The following CAMK1D variants were observed in gnomAD, a reference collection of about 807,000 sequenced individuals.
The protein encoded by CAMK1D is calcium/calmodulin-dependent protein kinase type 1D.
Under a neutral mutation model 47.7 loss-of-function variants are expected in CAMK1D, and 9 were observed. The ratio of observed to expected loss-of-function variants is 0.19; its 90% CI spans 0.11 to 0.33. The LOEUF is 0.33. Among genes scored for constraint, CAMK1D ranks in the 10% least tolerant of loss-of-function variants. The pLI, the probability that CAMK1D is intolerant of heterozygous loss-of-function variation, is 1.00. For synonymous variants in CAMK1D, 184 were observed against 184.9 expected (o/e 0.99, Z 0.04); for missense variants, 291 against 488.7 (o/e 0.60, Z 3.81).
At chr10:12,488,935 A>T (rs1285029537) in intron 1 of CAMK1D, among the ~76,000 whole-genome samples, 1 of 151,824 alleles carries the variant, frequency 6.6e-6, no homozygotes, top group Admixed American at 6.6e-5. Context: ...CCTTTTATTT[A>T]TTTATGTATT....
chr10:12,745,307 G>C (rs1835619568), intron 3 of CAMK1D, among the ~76,000 whole-genome samples: 1 of 152,192 alleles, frequency 6.6e-6, no homozygotes, highest in South Asian at 2.1e-4. Context: ...TGGGATTACA[G>C]GTGTGAGCCA....
At chr10:12,546,071 T>C (rs1588618133) in intron 1 of CAMK1D, among the ~76,000 whole-genome samples, 1 of 152,184 alleles carries the variant, frequency 6.6e-6, no homozygotes, top group Non-Finnish European at 1.5e-5. Flanking sequence ...ATGCCACGGG[T>C]AACGTGCAAA....
At chr10:12,351,421 G>A (rs1158493050) in intron 1 of CAMK1D, among the ~76,000 whole-genome samples, 1 of 152,212 alleles carries the variant, frequency 6.6e-6, no homozygotes, top group Non-Finnish European at 1.5e-5. Flanking sequence ...ATTCTGAGAT[G>A]CTCAAGTTAC....
intron 2 of CAMK1D, among the ~76,000 whole-genome samples, chr10:12,574,933 A>C (rs886608725): frequency 7.9e-5 from 12 of 152,076 alleles, no homozygotes; most frequent in Non-Finnish European, 1.6e-4. Context: ...GAGGAGAACA[A>C]CACCAGTGGC....
rs189493967 is a variant in CAMK1D, at chr10:12,745,327, G to A, written c.300-15621G>A. On this transcript the variant is annotated intron_variant, in intron 3 of 10. Coordinates refer to ENST00000619168, the MANE Select transcript of CAMK1D (RefSeq NM_153498.4). ...TTACAGGTGTGAGCCACCGTGCCCA[G>A]CTGCTCTGCTGTATTTTTTAAGACC... Among the ~76,000 whole-genome samples, 514 of 152,300 alleles carry A rather than the reference G, an allele frequency of 3.4e-3. 1 individual carries two copies. The highest frequency in any genetic ancestry group is 0.012 in the African/African-American group (490 of 41,570).
At chr10:12,750,211 T>C (rs991897388) in intron 3 of CAMK1D, among the ~76,000 whole-genome samples, 2 of 152,224 alleles carry the variant, frequency 1.3e-5, no homozygotes, top group East Asian at 3.8e-4. Context: ...TGTGTTTTGA[T>C]TACCCTGCCC....
At chr10:12,419,047 C>G (rs558202239) in intron 1 of CAMK1D, among the ~76,000 whole-genome samples, 2 of 152,338 alleles carry the variant, frequency 1.3e-5, no homozygotes, top group East Asian at 3.8e-4. Context: ...ACTTCCCTGT[C>G]TCTTTTGGAC....
intron 1 of CAMK1D, among the ~76,000 whole-genome samples, chr10:12,395,401 G>C (rs1432865316): frequency 2.0e-5 from 3 of 151,972 alleles, no homozygotes; most frequent in South Asian, 4.1e-4. Context: ...CCATCCTGAA[G>C]CCACCTAGGG....
intron 1 of CAMK1D, among the ~76,000 whole-genome samples, chr10:12,513,241 A>C (rs561069558): frequency 6.6e-6 from 1 of 152,310 alleles, no homozygotes; most frequent in South Asian, 2.1e-4. Flanking sequence ...GAGTGAGGAC[A>C]CAGCCACCCT....
intron 3 of CAMK1D, among the ~76,000 whole-genome samples, chr10:12,704,727 T>A (rs1334015627): frequency 6.6e-6 from 1 of 152,216 alleles, no homozygotes; most frequent in Non-Finnish European, 1.5e-5. Context: ...CAATCTGCGA[T>A]GGCAAACATT....
intron 1 of CAMK1D, among the ~76,000 whole-genome samples, chr10:12,403,958 A>G (rs1175802532): frequency 2.0e-5 from 3 of 148,244 alleles, no homozygotes; most frequent in African/African-American, 5.0e-5. Flanking sequence ...ACTGGGGCCA[A>G]TTGAAAACTT....
intron 1 of CAMK1D, among the ~76,000 whole-genome samples, chr10:12,473,678 T>A (rs970857377): frequency 2.0e-5 from 3 of 152,288 alleles, no homozygotes; most frequent in African/African-American, 7.2e-5. Context: ...CACTGGTGAC[T>A]AGATGGCGGA....
intron 1 of CAMK1D, among the ~76,000 whole-genome samples, chr10:12,534,081 G>C (rs898551922): frequency 6.6e-6 from 1 of 152,164 alleles, no homozygotes; most frequent in Non-Finnish European, 1.5e-5. Flanking sequence ...AGGGAATTTT[G>C]GGGACTGTAC....
intron 1 of CAMK1D, among the ~76,000 whole-genome samples, chr10:12,408,493 T>C (rs547794163): frequency 2.0e-5 from 3 of 152,304 alleles, no homozygotes; most frequent in Admixed American, 2.0e-4. Flanking sequence ...ATTTTCAATG[T>C]TGTGTTTGAG....
At chr10:12,760,913 T>A (rs1836473455) in intron 3 of CAMK1D, 35 bp from the exon 4 acceptor site, 1 of 1,595,304 alleles carries the variant, frequency 6.3e-7, no homozygotes, top group Non-Finnish European at 8.6e-7. Flanking sequence ...ATTCAACAGA[T>A]CCTTTCAAAC....
At chr10:12,394,091 C>G (rs548598706) in intron 1 of CAMK1D, among the ~76,000 whole-genome samples, 1 of 152,222 alleles carries the variant, frequency 6.6e-6, no homozygotes, top group Non-Finnish European at 1.5e-5. Context: ...AGGGTTCACA[C>G]CATCCCAACA....
chr10:12,684,827 C>A (rs1379082884), intron 3 of CAMK1D, among the ~76,000 whole-genome samples: 1 of 151,724 alleles, frequency 6.6e-6, no homozygotes, highest in Non-Finnish European at 1.5e-5. Context: ...GTGTCAAGAT[C>A]TTTAAACTCT....
intron 1 of CAMK1D, among the ~76,000 whole-genome samples, chr10:12,393,549 C>G (rs971383098): frequency 1.7e-4 from 26 of 152,270 alleles, no homozygotes; most frequent in African/African-American, 5.3e-4. Flanking sequence ...ATTTTCTCAC[C>G]CAGGGACATT....
At chr10:12,374,129 G>A (rs1217936231) in intron 1 of CAMK1D, among the ~76,000 whole-genome samples, 1 of 151,344 alleles carries the variant, frequency 6.6e-6, no homozygotes, top group East Asian at 1.9e-4. Context: ...GTGTCATGGT[G>A]GGCATCTGTA....
Sources: allele counts gnomAD v4.1 joint callset (sites outside exome capture counted in the v4.1 genomes callset), GRCh38; gene constraint gnomAD v4.1.1; transcripts MANE v1.5; gene names NCBI Gene and HGNC (gene_info 2026-07-23, HGNC 2026-07-21).